The following IL4I1 variants were observed in gnomAD, a reference collection of about 807,000 sequenced individuals.
IL4I1 encodes interleukin 4 induced 1.
A neutral mutation model predicts 29.7 loss-of-function variants in IL4I1; 24 were observed. The ratio of observed to expected loss-of-function variants is 0.81; its 90% CI spans 0.59 to 1.14. The LOEUF is 1.14. Among genes scored for constraint, IL4I1 ranks in the 50% most tolerant of loss-of-function variants. The probability of loss-of-function intolerance (pLI) is 0.00; values close to 1 mark genes in which losing one functional copy is unlikely to be tolerated. For missense variants in IL4I1, 686 were observed against 785.6 expected, an observed-to-expected ratio of 0.87 and a Z score of 1.52; for synonymous variants, 371 against 352.5, an observed-to-expected ratio of 1.05 and a Z score of -0.59.
At chr19:49,922,977 C>CG (rs757726838) in intron 2 of IL4I1, among the ~76,000 whole-genome samples, 2 of 152,172 alleles carry the variant, frequency 1.3e-5, no homozygotes, top group Non-Finnish European at 2.9e-5. Flanking sequence ...GACCACAGGT[C>CG]GGGGGGTACA....
At chr19:49,896,350 C>A (rs1029264404) in intron 1 of IL4I1, among the ~76,000 whole-genome samples, 168 bp from the exon 2 acceptor site, 2 of 151,996 alleles carry the variant, frequency 1.3e-5, no homozygotes, top group Non-Finnish European at 2.9e-5. Flanking sequence ...TCCCCTGGAC[C>A]GTCCCTGCCT....
chr19:49,913,566 T>C (rs2075538635), intron 2 of IL4I1, among the ~76,000 whole-genome samples: 1 of 152,220 alleles, frequency 6.6e-6, no homozygotes, highest in Non-Finnish European at 1.5e-5. Context: ...CCACACGCTG[T>C]TGCAGGGAGA....
intron 3 of IL4I1, among the ~76,000 whole-genome samples, chr19:49,902,339 T>C (rs1283890584): frequency 6.6e-6 from 1 of 151,644 alleles, no homozygotes. Flanking sequence ...CATTATCATA[T>C]TTTAAGATGG....
rs761255898 is a variant in IL4I1 at position 49,895,830 on chromosome 19, G to A, written c.237C>T (p.Ser79=). ...VAGLVAAKVL[S]DAGHKVTILE... is the part of the protein sequence containing the mutation. Reference sequence around the variant, plus strand: ...TGCTTCCCACCTTGTGTCCAGCATCGCTGAGCACCTTGGCGGCCACCAGCC... The same window carrying A: ...TGCTTCCCACCTTGTGTCCAGCATCACTGAGCACCTTGGCGGCCACCAGCC... Residue 79 remains serine, a synonymous_variant, in exon 3 of 8, where the codon AGC becomes AGT. Coordinates refer to ENST00000391826, the MANE Select transcript of IL4I1 (RefSeq NM_152899.2). 2.0e-5 allele frequency: 32 copies of A among 1,613,590 alleles called. No homozygotes were observed. The African/African-American group carries it at 4.0e-4, about 20-fold the overall frequency.
intron 2 of IL4I1, among the ~76,000 whole-genome samples, chr19:49,917,241 G>A (rs897287010): frequency 7.9e-5 from 12 of 152,168 alleles, no homozygotes; most frequent in Admixed American, 2.0e-4. Context: ...CTCAGACGCC[G>A]TCCTCCAACA....
At chr19:49,914,794 T>C (rs1404214164) in intron 2 of IL4I1, among the ~76,000 whole-genome samples, 2 of 130,114 alleles carry the variant, frequency 1.5e-5, no homozygotes, top group Non-Finnish European at 3.1e-5. Flanking sequence ...GGCTGGAGTG[T>C]GGTGGTGCGA....
In IL4I1 at chr19:49,890,188, C is replaced by T. The variant is rs1423726114; in HGVS notation, c.1186G>A (p.Ala396Thr). ...GCCGCGTCCGACCACGTGTACGAGGCCAGCAGCAGCGCGCCCTCGCGCGGC... is the reference window on the plus strand; with the variant it reads ...GCCGCGTCCGACCACGTGTACGAGGTCAGCAGCAGCGCGCCCTCGCGCGGC... The part of the protein sequence containing the change: ...PPPREGALLL[A>T]SYTWSDAAAA... The change falls in exon 8 of 8, where the codon GCC becomes ACC. Residue 396 changes from alanine to threonine, a missense_variant. Coordinates refer to ENST00000391826, the MANE Select transcript of IL4I1 (RefSeq NM_152899.2). 40 of 1,543,498 alleles carry T rather than the reference C, an allele frequency of 2.6e-5. No homozygotes were observed. Among genetic ancestry groups the T allele is most frequent in the Non-Finnish European group, 3.5e-5 (40 of 1,142,750 alleles).
intron 2 of IL4I1, chr19:49,907,547 T>TC (rs1328444941): frequency 4.7e-6 from 2 of 428,788 alleles, no homozygotes; most frequent in South Asian, 3.4e-5. Flanking sequence ...CTTTTTTTTT[T>TC]TTTTTTTTTT....
At chr19:49,898,193 C>T (rs775563710), upstream of IL4I1, among the ~76,000 whole-genome samples, 16 of 152,054 alleles carry the variant, frequency 1.1e-4, no homozygotes, top group South Asian at 2.1e-4. Flanking sequence ...TGGTGGCATA[C>T]GCCTGTAGTC....
chr19:49,917,052 G>A (rs1368106605), intron 2 of IL4I1, among the ~76,000 whole-genome samples: 1 of 152,272 alleles, frequency 6.6e-6, no homozygotes, highest in Non-Finnish European at 1.5e-5. Context: ...GTCTCCGTGG[G>A]ACCTCCCCTT....
At chr19:49,929,344 TC>T in exon 1 of IL4I1, 1 of 154,686 alleles carries the variant, frequency 6.5e-6, no homozygotes, top group East Asian at 1.9e-4. Flanking sequence ...CGCTCTCCGC[TC>T]CCACCTTCTT....
chr19:49,890,936 G>T, intron 7 of IL4I1, 35 bp downstream of exon 7: 4 of 307,918 alleles, frequency 1.3e-5, no homozygotes, highest in South Asian at 9.3e-5. Context: ...ATTGCCCCCC[G>T]CCCCCCCCCC....
At chr19:49,900,507 T>G (rs1278608527), upstream of IL4I1, among the ~76,000 whole-genome samples, 2 of 151,686 alleles carry the variant, frequency 1.3e-5, no homozygotes, top group African/African-American at 4.8e-5. Context: ...AGGCTGGTCT[T>G]GAAGTCCTGA....
In IL4I1 at chr19:49,909,413, C is replaced by T. The variant is rs2122603695; in HGVS notation, c.-227-5092G>A. The T allele has an allele frequency of 1.9e-6, 3 of 1,613,798 alleles. No individual in the cohort carries two copies. Among genetic ancestry groups the T allele is most frequent in the Non-Finnish European group, 1.7e-6 (2 of 1,179,998 alleles). On this transcript the variant is annotated intron_variant, in intron 2 of 9. Transcript: ENST00000341114. ...AAAGCCGGTGGGTGCTGTGCCCTGGCTGGAGGTGACGGTGCTCGATATGGC... is the reference window on the plus strand; with the variant it reads ...AAAGCCGGTGGGTGCTGTGCCCTGGTTGGAGGTGACGGTGCTCGATATGGC...
In IL4I1 at chr19:49,921,934, G is replaced by A. The variant is rs1034809450; in HGVS notation, c.-228+5760C>T. ...CCTCCCTTCCATCTTGGCAGGATGA[G>A]TGCATTTGCTGCGAGAAAGCAGCCC... On this transcript the variant is annotated intron_variant, in intron 2 of 9. Coordinates refer to the IL4I1 transcript ENST00000341114. The surrounding 1 kb of genome is among the most constrained non-coding windows in gnomAD (Gnocchi z 5.4). Among the ~76,000 whole-genome samples the A allele has an allele frequency of 6.6e-6, 1 of 152,218 alleles. No individual in the cohort carries two copies. The highest frequency in any genetic ancestry group is 2.4e-5 in the African/African-American group (1 of 41,452).
At chr19:49,927,944 A>C (rs909689065) in intron 1 of IL4I1, 1 of 152,230 alleles carries the variant, frequency 6.6e-6, no homozygotes, top group Admixed American at 6.6e-5. Flanking sequence ...GGGTTGGGAG[A>C]TAGTTCCTAT....
Position 49,890,518 on chromosome 19 carries a change from G to A in IL4I1, c.856C>T (p.Pro286Ser), listed in dbSNP as rs1269424002. Residue 286 changes from proline to serine, a missense_variant, in exon 8 of 8, where the codon CCC (proline) becomes TCC (serine). Physicochemically the swap from Pro to Ser is moderately conservative, Grantham distance 74. Coordinates refer to ENST00000391826, the MANE Select transcript of IL4I1 (RefSeq NM_152899.2). The part of the protein sequence containing the change: ...SLSGLVLLNA[P>S]VVAMTQGPHD... ...GGTCCCTGGGTCATCGCCACCACGGGCGCGTTCAACAGCACAAGCCCGGAC... is the reference window on the plus strand; with the variant it reads ...GGTCCCTGGGTCATCGCCACCACGGACGCGTTCAACAGCACAAGCCCGGAC... The A allele has an allele frequency of 1.2e-6, 2 of 1,609,902 alleles. No individual in the cohort carries two copies. The highest frequency in any genetic ancestry group is 1.1e-5 in the South Asian group (1 of 91,050).
In IL4I1 at chr19:49,889,786, C is replaced by CA; in HGVS notation, c.1587dup (p.Val530CysfsTer11). 1 of 1,536,386 alleles carries CA rather than the reference C, an allele frequency of 6.5e-7. No homozygotes were observed. Among genetic ancestry groups the CA allele is most frequent in the Non-Finnish European group, 8.8e-7 (1 of 1,141,590 alleles). On this transcript the variant is annotated frameshift_variant, in exon 8 of 8. Coordinates refer to ENST00000391826, the MANE Select transcript of IL4I1 (RefSeq NM_152899.2). LOFTEE classifies it low-confidence loss of function (END_TRUNC). ...GAGGGGCTGCTGGCCACCCCATGCA[C>CA]ATGCCCCTGCCCCTCCATGTCAGAT...
rs2075189952 is a variant in IL4I1, at chr19:49,895,155, C to T, written c.278G>A (p.Arg93Lys). 6.2e-7 allele frequency: 1 copy of T among 1,613,760 alleles called. No homozygotes were observed. Among genetic ancestry groups the T allele is most frequent in the Admixed American group, 1.7e-5 (1 of 59,990 alleles). ...HKVTILEADNRIGGRIFTYRD... is the reference protein window; with the variant it reads ...HKVTILEADNKIGGRIFTYRD... Reference sequence around the variant, plus strand: ...GTAGGTGAAGATGCGGCCCCCGATCCTGTTATCTGCCTCCAGGATGGTGAC... The same window carrying T: ...GTAGGTGAAGATGCGGCCCCCGATCTTGTTATCTGCCTCCAGGATGGTGAC... The change falls in exon 4 of 8, where the codon AGG becomes AAG. Residue 93 changes from arginine to lysine, a missense_variant. Physicochemically the swap from Arg to Lys is conservative, Grantham distance 26. Coordinates refer to ENST00000391826, the MANE Select transcript of IL4I1 (RefSeq NM_152899.2).
Sources: gnomAD v4.1 joint callset for allele counts (sites outside exome capture counted in the v4.1 genomes callset) on GRCh38, gnomAD v4.1.1 for gene constraint, Gnocchi (gnomAD v3.1) non-coding constraint, MANE v1.5 for transcripts, NCBI Gene and HGNC (gene_info 2026-07-23, HGNC 2026-07-21) for gene names.